PLEKHA2: variants seen among roughly 807,000 people sequenced by gnomAD.
PLEKHA2 encodes the protein pleckstrin homology domain-containing family A member 2.
In PLEKHA2, 28 loss-of-function variants were observed where a neutral mutation model predicts 53.2. The ratio of observed to expected loss-of-function variants is 0.53; its 90% CI spans 0.39 to 0.72. PLEKHA2 has a LOEUF of 0.72. Ranked by LOEUF, PLEKHA2 falls within the 30% of genes least tolerant of loss-of-function variation. PLEKHA2 has a pLI of 0.00. For synonymous variants in PLEKHA2, 193 were observed against 196.4 expected (o/e 0.98, Z 0.14); for missense variants, 426 against 537.9 (o/e 0.79, Z 2.06).
At chr8:38,911,323 G>A (rs1420547699) in intron 1 of PLEKHA2, among the ~76,000 whole-genome samples, 7 of 151,454 alleles carry the variant, frequency 4.6e-5, no homozygotes, top group Non-Finnish European at 7.4e-5. Flanking sequence ...TGCAACCTCC[G>A]CCTCCCAGGT....
rs1835247534 is a variant in PLEKHA2 at position 38,971,490 on chromosome 8, A to T, written c.*1707A>T. 6.6e-6 allele frequency: 1 copy of T among 152,156 alleles called. No individual in the cohort carries two copies. The highest frequency in any genetic ancestry group is 6.6e-5 in the Admixed American group (1 of 15,266). 9.4% of individuals were successfully genotyped at this position (152,156 alleles called of 1,614,324 possible). A position where few individuals can be genotyped will look rare whatever the true frequency, so the allele number is the denominator to read the frequency against. On this transcript the variant is annotated 3_prime_UTR_variant, in exon 12 of 12. Coordinates refer to ENST00000617275, the MANE Select transcript of PLEKHA2 (RefSeq NM_021623.2). ...TTACTCTCGTATTTTCCCCAAGAAA[A>T]TTTTTTGGCTATTCAAAGAAAGCAC...
At chr8:38,918,199 A>C in intron 2 of PLEKHA2, 129 bp downstream of exon 2, 1 of 1,226,670 alleles carries the variant, frequency 8.2e-7, no homozygotes, top group Admixed American at 2.6e-5. Context: ...GGGAGGGGAC[A>C]ACCCTACAAC....
intron 10 of PLEKHA2, among the ~76,000 whole-genome samples, chr8:38,959,032 T>A (rs1460640437): frequency 6.6e-6 from 1 of 151,692 alleles, no homozygotes; most frequent in African/African-American, 2.4e-5. Context: ...GTATGCAAAT[T>A]GAGAAAAAAA....
rs1345816166 is a variant in PLEKHA2, at chr8:38,950,841, T to A, written c.346-9T>A. 6.2e-7 allele frequency: 1 copy of A among 1,609,822 alleles called. No homozygotes were observed. The highest frequency in any genetic ancestry group is 1.3e-5 in the African/African-American group (1 of 74,818). ...GTTCCCCATTGATTGTTGCTGCCGC[T>A]CACCCCAGGTTCCCAAAGGTGGGGG... On this transcript the variant is annotated splice_polypyrimidine_tract_variant and intron_variant, in intron 5 of 11. Transcript: ENST00000617275.
intron 9 of PLEKHA2, among the ~76,000 whole-genome samples, chr8:38,954,127 A>G (rs1413586467): frequency 6.6e-6 from 1 of 152,164 alleles, no homozygotes; most frequent in Non-Finnish European, 1.5e-5. Flanking sequence ...TGGCTTGTAC[A>G]AGCAGAACCC....
chr8:38,949,978 T>C (rs974892969), intron 5 of PLEKHA2, among the ~76,000 whole-genome samples: 11 of 152,218 alleles, frequency 7.2e-5, no homozygotes, highest in African/African-American at 2.7e-4. Context: ...GCATGCATTT[T>C]TACCTGTTCA....
intron 10 of PLEKHA2, among the ~76,000 whole-genome samples, chr8:38,960,123 T>C (rs1367609291): frequency 2.6e-5 from 4 of 152,220 alleles, no homozygotes; most frequent in Non-Finnish European, 5.9e-5. Context: ...TATGCACATT[T>C]ACCAGAAGAT....
At chr8:38,950,589 G>A in intron 5 of PLEKHA2, 2 of 346,006 alleles carry the variant, frequency 5.8e-6, no homozygotes, top group Non-Finnish European at 1.0e-5. Context: ...CTTTATCTTT[G>A]GTTTCTAGCC....
chr8:38,938,620 C>A (rs1387312253), intron 3 of PLEKHA2, among the ~76,000 whole-genome samples: 1 of 152,174 alleles, frequency 6.6e-6, no homozygotes, highest in Non-Finnish European at 1.5e-5. Context: ...GTGGAGCAGC[C>A]CTGTCTGCGT....
intron 10 of PLEKHA2, among the ~76,000 whole-genome samples, chr8:38,966,062 G>A (rs1295486069): frequency 6.6e-6 from 1 of 152,122 alleles, no homozygotes; most frequent in African/African-American, 2.4e-5. Context: ...GTCAAGCGGG[G>A]AGACAGCGCT....
At chr8:38,963,895 A>T (rs958174235) in intron 10 of PLEKHA2, among the ~76,000 whole-genome samples, 9 of 152,238 alleles carry the variant, frequency 5.9e-5, no homozygotes, top group African/African-American at 2.2e-4. Context: ...ATTAGGGAAG[A>T]AATATAACTA....
chr8:38,927,949 T>G (rs1355329781), intron 2 of PLEKHA2, among the ~76,000 whole-genome samples: 1 of 147,898 alleles, frequency 6.8e-6, no homozygotes, highest in Non-Finnish European at 1.5e-5. Context: ...GAATGGAGAG[T>G]GGGGGGGCAG....
At chr8:38,962,535 AG>A (rs957372481) in intron 10 of PLEKHA2, among the ~76,000 whole-genome samples, 1 of 152,184 alleles carries the variant, frequency 6.6e-6, no homozygotes, top group Non-Finnish European at 1.5e-5. Context: ...GCAGGTAGAA[AG>A]GCCAGTGATT....
At chr8:38,917,884 C>A in intron 1 of PLEKHA2, 23 bp from the exon 2 acceptor site, 1 of 1,599,510 alleles carries the variant, frequency 6.3e-7, no homozygotes, top group South Asian at 1.1e-5. Flanking sequence ...TCCTTCTCAT[C>A]AGCACCTCCC....
Position 38,950,957 on chromosome 8 carries a change from T to C in PLEKHA2, c.453T>C (p.Ile151=), listed in dbSNP as rs1834824430. The C allele has an allele frequency of 6.2e-7, 1 of 1,613,572 alleles. No homozygotes were observed. Among genetic ancestry groups the C allele is most frequent in the Non-Finnish European group, 8.5e-7 (1 of 1,179,766 alleles). Residue 151 remains isoleucine, a synonymous_variant, in exon 6 of 12, where the codon ATT becomes ATC. Transcript: ENST00000617275. ...KPQVAYKTEI[I]GGVVVHTPIS... Reference sequence around the variant, plus strand: ...AGGTGGCCTACAAGACGGAGATCATTGGAGGGGTGGTGGTCCACACACCCA... The same window carrying C: ...AGGTGGCCTACAAGACGGAGATCATCGGAGGGGTGGTGGTCCACACACCCA...
At chr8:38,918,511 A>T (rs1455766016) in intron 2 of PLEKHA2, among the ~76,000 whole-genome samples, 2 of 102,200 alleles carry the variant, frequency 2.0e-5, no homozygotes, top group Non-Finnish European at 4.3e-5. Flanking sequence ...CACCAGACAC[A>T]CACCATACAC....
chr8:38,926,659 G>A (rs575428874), intron 2 of PLEKHA2, among the ~76,000 whole-genome samples: 2 of 152,194 alleles, frequency 1.3e-5, no homozygotes, highest in African/African-American at 2.4e-5. Context: ...AGCCGGGTGC[G>A]GTGGCTCACG....
chr8:38,947,718 G>C (rs1213897783), intron 5 of PLEKHA2, among the ~76,000 whole-genome samples: 1 of 152,160 alleles, frequency 6.6e-6, no homozygotes, highest in African/African-American at 2.4e-5. Context: ...CTGACAAACA[G>C]TGTTCTTCGG....
chr8:38,969,284 T>C, intron 11 of PLEKHA2, 137 bp from the exon 12 acceptor site: 1 of 1,052,086 alleles, frequency 9.5e-7, no homozygotes, highest in Non-Finnish European at 1.3e-6. Context: ...TTTGACTGTA[T>C]TTCATTTTTG....
Sources: allele counts gnomAD v4.1 joint callset (sites outside exome capture counted in the v4.1 genomes callset), GRCh38; gene constraint gnomAD v4.1.1; transcripts MANE v1.5; gene names NCBI Gene and HGNC (gene_info 2026-07-23, HGNC 2026-07-21).